Variants in MAP4K5 observed in about 807,000 individuals in gnomAD.
The protein encoded by MAP4K5 is mitogen-activated protein kinase kinase kinase kinase 5.
Under a neutral mutation model 135.6 loss-of-function variants are expected in MAP4K5, and 82 were observed. The ratio of observed to expected loss-of-function variants is 0.60; its 90% CI spans 0.51 to 0.73. The LOEUF is 0.73. MAP4K5 is among the 30% of genes least tolerant of loss of function. MAP4K5 has a pLI of 0.00. For missense variants in MAP4K5, 907 were observed against 1,010.9 expected (o/e 0.90, Z 1.39); for synonymous variants, 347 against 335.0 (o/e 1.04, Z -0.39).
At chr14:50,556,779 TATA>T (rs2038770505) in intron 1 of MAP4K5, among the ~76,000 whole-genome samples, 1 of 152,218 alleles carries the variant, frequency 6.6e-6, no homozygotes. Flanking sequence ...TTTCATTTAC[TATA>T]ATGTTTTCAA....
chr14:50,475,986 GATC>G, intron 8 of MAP4K5, 139 bp downstream of exon 8: 1 of 464,142 alleles, frequency 2.2e-6, no homozygotes, highest in Non-Finnish European at 3.8e-6. Context: ...AAAATTACTG[GATC>G]AAAAGTTAAA....
At position 50,437,495 on chromosome 14, in the gene MAP4K5, G is replaced by A; in HGVS notation, c.1863C>T (p.Gly621=). The A allele has an allele frequency of 6.2e-7, 1 of 1,602,482 alleles. No individual in the cohort carries two copies. The highest frequency in any genetic ancestry group is 1.1e-5 in the South Asian group (1 of 88,482). ...ALTTKIPDTK[G]CHKCCIVRNP... is the part of the protein sequence containing the mutation. ...ACTCACCTATGCAACATTTGTGGCAGCCTTTTGTATCAGGAATCTTTGTTG... is the reference window on the plus strand; with the variant it reads ...ACTCACCTATGCAACATTTGTGGCAACCTTTTGTATCAGGAATCTTTGTTG... The change falls in exon 26 of 33, where the codon GGC becomes GGT. Residue 621 remains glycine, a synonymous_variant. Coordinates refer to ENST00000682126, the MANE Select transcript of MAP4K5 (RefSeq NM_006575.6).
At chr14:50,518,189 T>C (rs2038073361) in intron 2 of MAP4K5, among the ~76,000 whole-genome samples, 1 of 152,196 alleles carries the variant, frequency 6.6e-6, no homozygotes, top group African/African-American at 2.4e-5. Flanking sequence ...TAAATGACCA[T>C]TTGTAAAGGA....
At chr14:50,461,799 G>C (rs1359582212) in intron 13 of MAP4K5, among the ~76,000 whole-genome samples, 1 of 151,886 alleles carries the variant, frequency 6.6e-6, no homozygotes, top group Admixed American at 6.6e-5. Context: ...GGTACCTGCA[G>C]TCCCAGCTAC....
intron 1 of MAP4K5, among the ~76,000 whole-genome samples, chr14:50,555,925 C>T (rs1220512272): frequency 6.6e-6 from 1 of 152,084 alleles, no homozygotes; most frequent in Non-Finnish European, 1.5e-5. Flanking sequence ...TATTGAGAAA[C>T]TTCTGATTGA....
At chr14:50,550,192 C>G (rs1026149764) in intron 1 of MAP4K5, among the ~76,000 whole-genome samples, 1 of 152,318 alleles carries the variant, frequency 6.6e-6, no homozygotes, top group African/African-American at 2.4e-5. Flanking sequence ...ATAGGCAAGG[C>G]TGGAAGCTTA....
intron 2 of MAP4K5, among the ~76,000 whole-genome samples, chr14:50,510,121 C>G (rs2037900288): frequency 6.6e-6 from 1 of 152,136 alleles, no homozygotes; most frequent in South Asian, 2.1e-4. Flanking sequence ...ATGCATTCTG[C>G]CATTCACTGC....
intron 6 of MAP4K5, among the ~76,000 whole-genome samples, chr14:50,479,356 C>T (rs1339042994): frequency 6.6e-6 from 1 of 152,054 alleles, no homozygotes; most frequent in African/African-American, 2.4e-5. Flanking sequence ...CACCTCTATG[C>T]CCTCAAATTC....
intron 28 of MAP4K5, 138 bp from the exon 29 acceptor site, chr14:50,429,398 C>T: frequency 1.7e-6 from 1 of 573,724 alleles, no homozygotes; most frequent in African/African-American, 1.9e-5. Flanking sequence ...GTGATGTTAT[C>T]TTTCAAAAAA....
intron 3 of MAP4K5, among the ~76,000 whole-genome samples, chr14:50,495,699 A>G (rs1173090283): frequency 1.3e-5 from 2 of 152,232 alleles, no homozygotes; most frequent in Non-Finnish European, 2.9e-5. Context: ...AATGAATAAA[A>G]CTGTAGTATA....
chr14:50,474,179 G>C (rs577670234), intron 9 of MAP4K5, among the ~76,000 whole-genome samples: 80 of 152,120 alleles, frequency 5.3e-4, no homozygotes, highest in African/African-American at 1.9e-3. Context: ...GATCACTTGA[G>C]TTTTAGACCA....
chr14:50,446,802 T>C (rs1172232378), intron 16 of MAP4K5, among the ~76,000 whole-genome samples: 2 of 152,240 alleles, frequency 1.3e-5, no homozygotes, highest in Non-Finnish European at 2.9e-5. Flanking sequence ...AAAGCAGCCA[T>C]GTACGATACA....
At position 50,485,603 on chromosome 14, in the gene MAP4K5, G is replaced by A. The variant is rs751262314; in HGVS notation, c.297C>T (p.Gly99=). 39 of 1,550,288 alleles carry A rather than the reference G, an allele frequency of 2.5e-5. No homozygotes were observed. Among genetic ancestry groups the A allele is most frequent in the Admixed American group, 9.6e-5 (5 of 51,890 alleles). ...KLWICMEYCG[G]GSLQDIYHVT... is the part of the protein sequence containing the mutation. ...CATGGTAAATATCTTGAAGTGATCC[G>A]CCACCACAGTATTCCATACAAATCC... The change falls in exon 5 of 33, where the codon GGC becomes GGT. Residue 99 remains glycine (G), a synonymous_variant. Transcript: ENST00000682126.
chr14:50,431,241 CTT>C (rs2035960884), intron 28 of MAP4K5, among the ~76,000 whole-genome samples: 1 of 151,858 alleles, frequency 6.6e-6, no homozygotes, highest in Admixed American at 6.6e-5. Context: ...TGGGTTTTAT[CTT>C]TTTTATTTAT....
chr14:50,431,963 T>C (rs968717842), intron 28 of MAP4K5, among the ~76,000 whole-genome samples: 1 of 152,228 alleles, frequency 6.6e-6, no homozygotes, highest in African/African-American at 2.4e-5. Context: ...GAATTTTATA[T>C]AATATTTTGG....
intron 2 of MAP4K5, among the ~76,000 whole-genome samples, chr14:50,519,485 T>C (rs774991757): frequency 3.3e-5 from 5 of 151,904 alleles, no homozygotes; most frequent in Admixed American, 2.0e-4. Context: ...TGAAACCCTG[T>C]CTCTATAAAA....
intron 28 of MAP4K5, among the ~76,000 whole-genome samples, chr14:50,430,516 T>C (rs35639833): frequency 8.5e-3 from 1,125 of 132,632 alleles, no homozygotes; most frequent in African/African-American, 0.018. Flanking sequence ...GAAAAGAGGA[T>C]TGCCAAATAG....
chr14:50,554,624 A>T (rs2038743018), intron 1 of MAP4K5, among the ~76,000 whole-genome samples: 1 of 152,198 alleles, frequency 6.6e-6, no homozygotes, highest in Non-Finnish European at 1.5e-5. Context: ...GAACCCAAAT[A>T]TCTCAGATGG....
chr14:50,515,328 C>A (rs906824887), intron 2 of MAP4K5, among the ~76,000 whole-genome samples: 1 of 152,162 alleles, frequency 6.6e-6, no homozygotes, highest in Non-Finnish European at 1.5e-5. Flanking sequence ...ATTCTCTGAC[C>A]TAATTAACAT....
Sources: allele counts gnomAD v4.1 joint callset (sites outside exome capture counted in the v4.1 genomes callset), GRCh38; gene constraint gnomAD v4.1.1; transcripts MANE v1.5; gene names NCBI Gene and HGNC (gene_info 2026-07-23, HGNC 2026-07-21).